The following CATSPERT variants were observed in gnomAD, a reference collection of about 807,000 sequenced individuals.
The protein encoded by CATSPERT is cation channel sperm-associated targeting subunit tau.
At chr2:201,589,990 T>C in the CATSPERT span, among the ~76,000 whole-genome samples, 467 of 151,676 alleles carry the variant, frequency 3.1e-3, 3 homozygotes, top group African/African-American at 0.01. Flanking sequence ...ATTTATTTAT[T>C]TATTATTATT....
chr2:201,535,863 G>T, the CATSPERT span: 1 of 1,499,168 alleles, frequency 6.7e-7, no homozygotes, highest in Non-Finnish European at 8.8e-7. Context: ...TTTGGGTCTT[G>T]GCTTTGAAAG....
At chr2:201,601,806 A>T in the CATSPERT span, 1 of 1,612,398 alleles carries the variant, frequency 6.2e-7, no homozygotes, top group African/African-American at 1.3e-5. Flanking sequence ...TTTGGATAGC[A>T]AGCTACACAT....
chr2:201,496,327 G>C, the CATSPERT span, among the ~76,000 whole-genome samples: 1 of 152,080 alleles, frequency 6.6e-6, no homozygotes, highest in African/African-American at 2.4e-5. Flanking sequence ...ATTATATTGA[G>C]ATAGCATTTT....
At chr2:201,582,163 A>G in the CATSPERT span, 1 of 1,610,114 alleles carries the variant, frequency 6.2e-7, no homozygotes, top group Non-Finnish European at 8.5e-7. Flanking sequence ...CTATTGTCAT[A>G]TTGTATGAGT....
chr2:201,528,467 T>C, the CATSPERT span, among the ~76,000 whole-genome samples: 1 of 152,176 alleles, frequency 6.6e-6, no homozygotes, highest in East Asian at 1.9e-4. Flanking sequence ...ATGTATATGT[T>C]CATCATAGCA....
At chr2:201,537,550 A>G in the CATSPERT span, 1 of 1,184,382 alleles carries the variant, frequency 8.4e-7, no homozygotes, top group African/African-American at 1.6e-5. Flanking sequence ...GTACATTAAT[A>G]AAATACTATT....
At chr2:201,610,314 C>A in the CATSPERT span, among the ~76,000 whole-genome samples, 370 of 152,036 alleles carry the variant, frequency 2.4e-3, no homozygotes, top group African/African-American at 8.3e-3. Flanking sequence ...AAAAATTAGC[C>A]GGGCGTGGTG....
chr2:201,500,296 C>T, the CATSPERT span, among the ~76,000 whole-genome samples: 6 of 151,950 alleles, frequency 3.9e-5, no homozygotes, highest in African/African-American at 9.7e-5. Flanking sequence ...GGGTAGATCA[C>T]GAGGTCAGGA....
At chr2:201,593,316 T>G in the CATSPERT span, among the ~76,000 whole-genome samples, 1 of 151,724 alleles carries the variant, frequency 6.6e-6, no homozygotes, top group Non-Finnish European at 1.5e-5. Context: ...TAATCCTGAG[T>G]TCTAGTTTGA....
chr2:201,495,636 G>T, the CATSPERT span, among the ~76,000 whole-genome samples: 1 of 148,668 alleles, frequency 6.7e-6, no homozygotes, highest in South Asian at 2.1e-4. Flanking sequence ...ATTGTAACTG[G>T]TTTTCAAATT....
chr2:201,571,400 T>G, the CATSPERT span, among the ~76,000 whole-genome samples: 1 of 152,224 alleles, frequency 6.6e-6, no homozygotes, highest in Non-Finnish European at 1.5e-5. Context: ...CTCATTTTTC[T>G]ATAATCTATT....
At chr2:201,511,956 A>G in the CATSPERT span, 1 of 151,322 alleles carries the variant, frequency 6.6e-6, no homozygotes, top group African/African-American at 2.4e-5. Flanking sequence ...TGAAGCAATT[A>G]ACTTGGACTT....
chr2:201,618,792 AAGGG>A, the CATSPERT span: 4 of 837,404 alleles, frequency 4.8e-6, 1 homozygote, highest in Admixed American at 2.9e-5. Context: ...GTGCCAATTG[AAGGG>A]AGATGCAATT....
At chr2:201,603,953 T>A in the CATSPERT span, among the ~76,000 whole-genome samples, 4 of 152,182 alleles carry the variant, frequency 2.6e-5, no homozygotes, top group Non-Finnish European at 4.4e-5. Context: ...GAAAAATTCT[T>A]ATTTCATACC....
the CATSPERT span, among the ~76,000 whole-genome samples, chr2:201,506,561 G>C: frequency 1.3e-5 from 2 of 152,124 alleles, no homozygotes; most frequent in East Asian, 3.9e-4. Flanking sequence ...TTTTCATTTT[G>C]TTTTGTTTTT....
At chr2:201,521,683 C>T in the CATSPERT span, among the ~76,000 whole-genome samples, 3 of 152,130 alleles carry the variant, frequency 2.0e-5, no homozygotes, top group Non-Finnish European at 4.4e-5. Flanking sequence ...CAAAAGCAGA[C>T]AATGACACAA....
the CATSPERT span, among the ~76,000 whole-genome samples, chr2:201,540,385 C>T: frequency 2.0e-5 from 3 of 152,196 alleles, no homozygotes; most frequent in Admixed American, 6.5e-5. Context: ...GAACTCAATG[C>T]CTGGCTTCAA....
chr2:201,600,755 C>CT, the CATSPERT span, among the ~76,000 whole-genome samples: 114 of 142,640 alleles, frequency 8.0e-4, no homozygotes, highest in African/African-American at 2.8e-3. Context: ...TAATGTCATT[C>CT]TTTTTTTTTT....
At chr2:201,574,486 T>C in the CATSPERT span, among the ~76,000 whole-genome samples, 1 of 152,230 alleles carries the variant, frequency 6.6e-6, no homozygotes, top group Non-Finnish European at 1.5e-5. Flanking sequence ...TAAAGTTAAG[T>C]AGTATTATAC....
Sources: gnomAD v4.1 joint callset for allele counts (sites outside exome capture counted in the v4.1 genomes callset) on GRCh38, gnomAD v4.1.1 for gene constraint, MANE v1.5 for transcripts, NCBI Gene and HGNC (gene_info 2026-07-23, HGNC 2026-07-21) for gene names.